Variants in F10 observed in about 807,000 individuals in gnomAD.
F10 encodes Stuart-Prower factor.
In F10, 29 loss-of-function variants were observed where a neutral mutation model predicts 37.1. That is an observed-to-expected ratio of 0.78 (90% CI 0.58 to 1.07). The LOEUF is 1.07. Among genes scored for constraint, F10 ranks in the 50% least tolerant of loss-of-function variants. F10 has a pLI of 0.00. For missense variants in F10, 539 were observed against 667.9 expected (o/e 0.81, Z 2.13); for synonymous variants, 262 against 268.6 (o/e 0.98, Z 0.24).
intron 1 of F10, among the ~76,000 whole-genome samples, chr13:113,127,266 T>A (rs1424491688): frequency 1.3e-5 from 2 of 152,212 alleles, no homozygotes; most frequent in African/African-American, 2.4e-5. Flanking sequence ...CAGTCTTGTT[T>A]TAAATTTTGG....
rs1005225637 is a variant in F10, at chr13:113,141,885, C to T, written c.502+835C>T. Among the ~76,000 whole-genome samples, 2 of 152,228 alleles carry T rather than the reference C, an allele frequency of 1.3e-5. No individual in the cohort carries two copies. The highest frequency in any genetic ancestry group is 1.9e-4 in the East Asian group (1 of 5,202). The stretch of plus-strand genomic sequence containing the variant: ...TCAAGAGCCTGGTGACCCAGCTCAC[C>T]TTCCGGCTTCAGGTGCGGCTCAGCC... On this transcript the variant is annotated intron_variant, in intron 5 of 7. Coordinates refer to ENST00000375559, the MANE Select transcript of F10 (RefSeq NM_000504.4). This position sits in a 1 kb window ranked among gnomAD's most constrained non-coding sequence, Gnocchi z 5.4.
intron 5 of F10, among the ~76,000 whole-genome samples, chr13:113,142,385 C>CA (rs58893351): frequency 5.0e-4 from 71 of 140,730 alleles, no homozygotes; most frequent in South Asian, 1.5e-3. Flanking sequence ...AGTAAAAATA[C>CA]AAAAAAAAAA....
chr13:113,137,385 G>T (rs1015698115), intron 2 of F10, among the ~76,000 whole-genome samples: 1 of 151,974 alleles, frequency 6.6e-6, no homozygotes, highest in Non-Finnish European at 1.5e-5. Flanking sequence ...ATTTGGGGGG[G>T]AAGGATGGAC....
Position 113,143,821 on chromosome 13 carries a change from T to C in F10, c.503-30T>C, listed in dbSNP as rs1255033286. 25 of 1,608,960 alleles carry C rather than the reference T, an allele frequency of 1.6e-5. No individual in the cohort carries two copies. Among genetic ancestry groups the C allele is most frequent in the Non-Finnish European group, 2.1e-5 (25 of 1,179,958 alleles). ...GGCTATGGGGAGCCTCTCTCTGTGCTGAAGGCCCCGGCCGTCCTCTTTCTT... is the reference window on the plus strand; with the variant it reads ...GGCTATGGGGAGCCTCTCTCTGTGCCGAAGGCCCCGGCCGTCCTCTTTCTT... On this transcript the variant is annotated intron_variant, in intron 5 of 7. Transcript: ENST00000375559. The surrounding 1 kb of genome is among the most constrained non-coding windows in gnomAD (Gnocchi z 6.8).
intron 7 of F10, among the ~76,000 whole-genome samples, chr13:113,148,187 C>T (rs887822324): frequency 1.3e-5 from 2 of 151,422 alleles, no homozygotes; most frequent in Non-Finnish European, 2.9e-5. Context: ...AAAAATTAGC[C>T]GGGCATGGTG....
intron 1 of F10, among the ~76,000 whole-genome samples, chr13:113,123,260 CAGAG>C (rs1311659520): frequency 6.6e-6 from 1 of 152,034 alleles, no homozygotes; most frequent in Non-Finnish European, 1.5e-5. Context: ...AAGACGGAGA[CAGAG>C]AGAGAGGGAG....
Position 113,129,608 on chromosome 13 carries a change from A to C in F10, c.227A>C (p.Lys76Thr). 6.2e-7 allele frequency: 1 copy of C among 1,614,136 alleles called. No homozygotes were observed. The highest frequency in any genetic ancestry group is 8.5e-7 in the Non-Finnish European group (1 of 1,180,018). ...CGCGAGGTCTTTGAGGACAGCGACA[A>C]GACGGTAAGGGCTGGGGATAGCCTG... ...EAREVFEDSD[K>T]TNEFWNKYKD... The change falls in exon 2 of 8, where the codon AAG becomes ACG. Residue 76 changes from lysine to threonine, a missense_variant. By Grantham distance (78) the Lys-to-Thr change is moderately conservative. Transcript: ENST00000375559.
At position 113,129,367 on chromosome 13, in the gene F10, G is replaced by A. The variant is rs2036402930; in HGVS notation, c.71-85G>A. ...CCTTTTGTGATCTGGATATGGCAAG[G>A]GACATGGCAGTCAGGGAGCATAGGT... On this transcript the variant is annotated intron_variant, in intron 1 of 7. Transcript: ENST00000375559. The A allele has an allele frequency of 2.6e-6, 4 of 1,547,436 alleles. No homozygotes were observed. The South Asian group carries it at 3.4e-5, about 13-fold the overall frequency.
intron 1 of F10, among the ~76,000 whole-genome samples, chr13:113,128,000 T>C (rs2036386543): frequency 6.6e-6 from 1 of 152,016 alleles, no homozygotes; most frequent in Non-Finnish European, 1.5e-5. Context: ...GGGTGGGATG[T>C]GTCTACTTCT....
At chr13:113,138,944 T>C (rs998100825) in intron 3 of F10, among the ~76,000 whole-genome samples, 13 of 152,136 alleles carry the variant, frequency 8.5e-5, no homozygotes, top group Admixed American at 2.6e-4. Context: ...CTCCAAGAAA[T>C]GGGAAGCCCC....
At chr13:113,148,880 G>A in intron 7 of F10, 36 bp from the exon 8 acceptor site, 3 of 1,600,396 alleles carry the variant, frequency 1.9e-6, no homozygotes, top group Non-Finnish European at 2.6e-6. Context: ...GCATGTCCCT[G>A]GCTGAGCTGA....
In F10 at chr13:113,143,736, G is replaced by T. The variant is rs2036554371; in HGVS notation, c.503-115G>T. 2 of 1,489,552 alleles carry T rather than the reference G, an allele frequency of 1.3e-6. No individual in the cohort carries two copies. The highest frequency in any genetic ancestry group is 3.8e-5 in the Admixed American group (2 of 52,990). The allele number at this position is 1,489,552 out of a possible 1,614,324, so 92.3% of individuals were successfully genotyped here. ...GCCCTGCAAGCCCGCTGCCCCTCCG[G>T]GTGCCCCTGCGCTCTGCCTCCCGGC... On this transcript the variant is annotated intron_variant, in intron 5 of 7. Transcript: ENST00000375559. The surrounding 1 kb of genome is among the most constrained non-coding windows in gnomAD (Gnocchi z 6.8).
chr13:113,139,484 C>CT lies in F10; in HGVS notation c.370+16dup, dbSNP rs1329096846. The CT allele has an allele frequency of 6.3e-7, 1 of 1,593,720 alleles. No homozygotes were observed. Among genetic ancestry groups the CT allele is most frequent in the Non-Finnish European group, 8.6e-7 (1 of 1,161,568 alleles). ...ACTGTGAATTATGTAGGTTCCTCTG[C>CT]TTGGTATACCTTCAGATCAGATGCC... On this transcript the variant is annotated intron_variant, in intron 4 of 7. Coordinates refer to ENST00000375559, the MANE Select transcript of F10 (RefSeq NM_000504.4). This position sits in a 1 kb window ranked among gnomAD's most constrained non-coding sequence, Gnocchi z 5.2.
rs777185420 is a variant in F10, at chr13:113,146,186, T to G, written c.748-1193T>G. Among the ~76,000 whole-genome samples the G allele has an allele frequency of 3.9e-5, 6 of 152,196 alleles. No homozygotes were observed. The highest frequency in any genetic ancestry group is 4.8e-5 in the African/African-American group (2 of 41,450). ...TGAGGGCCTTCTGTGTGTCAGGCACTGAGCCGGGTGCTGTGTAGGTGGGAT... is the reference window on the plus strand; with the variant it reads ...TGAGGGCCTTCTGTGTGTCAGGCACGGAGCCGGGTGCTGTGTAGGTGGGAT... On this transcript the variant is annotated intron_variant, in intron 6 of 7. Transcript: ENST00000375559. The surrounding 1 kb of genome is among the most constrained non-coding windows in gnomAD (Gnocchi z 4.5).
At chr13:113,128,951 A>G (rs2036397774) in intron 1 of F10, 1 of 167,204 alleles carries the variant, frequency 6.0e-6, no homozygotes, top group Admixed American at 5.7e-5. Context: ...CTGGAATGGT[A>G]AGGGGGTTCT....
At position 113,129,562 on chromosome 13, in the gene F10, A is replaced by T; in HGVS notation, c.181A>T (p.Thr61Ser). Residue 61 changes from threonine to serine, a missense_variant, in exon 2 of 8, where the codon ACC becomes TCC. Transcript: ENST00000375559. ...GHLERECMEETCSYEEAREVF... is the reference protein window; with the variant it reads ...GHLERECMEESCSYEEAREVF... ...CCTCGAAAGAGAGTGCATGGAAGAG[A>T]CCTGCTCATACGAAGAGGCCCGCGA... 2 of 1,614,158 alleles carry T rather than the reference A, an allele frequency of 1.2e-6. No individual in the cohort carries two copies. The highest frequency in any genetic ancestry group is 1.7e-6 in the Non-Finnish European group (2 of 1,180,024).
chr13:113,135,125 C>G (rs1595091319), intron 2 of F10, among the ~76,000 whole-genome samples: 1 of 151,906 alleles, frequency 6.6e-6, no homozygotes, highest in Non-Finnish European at 1.5e-5. Flanking sequence ...CGCCTGTAAT[C>G]CCAGCTACTC....
In F10 at chr13:113,143,981, C is replaced by G. The variant is rs140852978; in HGVS notation, c.633C>G (p.Thr211=). Residue 211 remains threonine (T), a synonymous_variant, in exon 6 of 8, where the codon ACC becomes ACG. Coordinates refer to ENST00000375559, the MANE Select transcript of F10 (RefSeq NM_000504.4). This position sits in a 1 kb window ranked among gnomAD's most constrained non-coding sequence, Gnocchi z 6.8. ...KPYDAADLDP[T]ENPFDLLDFN... is the part of the protein sequence containing the mutation. Reference sequence around the variant, plus strand: ...ATGATGCAGCCGACCTGGACCCCACCGAGAACCCCTTCGACCTGCTTGACT... The same window carrying G: ...ATGATGCAGCCGACCTGGACCCCACGGAGAACCCCTTCGACCTGCTTGACT... The G allele has an allele frequency of 8.8e-5, 142 of 1,613,594 alleles. No individual in the cohort carries two copies. In the African/African-American group the frequency reaches 1.3e-3, roughly 15 times the overall value.
At chr13:113,142,042 G>A (rs572566602) in intron 5 of F10, among the ~76,000 whole-genome samples, 10 of 152,290 alleles carry the variant, frequency 6.6e-5, no homozygotes, top group Admixed American at 2.6e-4. Context: ...GAGTGATCAC[G>A]AAAAGACCGG....
Sources: gnomAD v4.1 joint callset for allele counts (sites outside exome capture counted in the v4.1 genomes callset) on GRCh38, gnomAD v4.1.1 for gene constraint, Gnocchi (gnomAD v3.1) non-coding constraint, MANE v1.5 for transcripts, NCBI Gene and HGNC (gene_info 2026-07-23, HGNC 2026-07-21) for gene names.